Variants in PIWIL2 observed in about 807,000 individuals in gnomAD.
PIWIL2 encodes the protein piwi like RNA-mediated gene silencing 2, also known as piwi-like protein 2.
PIWIL2 carries 81 observed loss-of-function variants against 116.5 expected under a neutral mutation model. That is an observed-to-expected ratio of 0.70 (90% CI 0.58 to 0.84). The LOEUF (loss-of-function observed/expected upper bound fraction) is 0.84, where lower values mean the gene tolerates loss of function less well. PIWIL2 is among the 40% of genes least tolerant of loss of function. The pLI is 0.00. For synonymous variants in PIWIL2, 489 were observed against 429.5 expected, an observed-to-expected ratio of 1.14 and a Z score of -1.71; for missense variants, 1,272 against 1,212.3, an observed-to-expected ratio of 1.05 and a Z score of -0.73.
chr8:22,322,028 T>G (rs1420682078), intron 20 of PIWIL2: 2 of 976,646 alleles, frequency 2.0e-6, no homozygotes, highest in African/African-American at 3.5e-5. Context: ...TTGGTTTTTT[T>G]TTTTGTAAAT....
chr8:22,290,171 G>A, intron 9 of PIWIL2, 62 bp from the exon 10 acceptor site: 1 of 965,998 alleles, frequency 1.0e-6, no homozygotes, highest in Admixed American at 1.9e-5. Flanking sequence ...TTGTTCACAT[G>A]GGGGCATGGA....
chr8:22,284,085 T>C (rs1221151925), intron 5 of PIWIL2, 77 bp from the exon 6 acceptor site: 1 of 684,808 alleles, frequency 1.5e-6, no homozygotes, highest in Non-Finnish European at 2.5e-6. Context: ...CTTCTTGTTG[T>C]TGGTTGTGTG....
chr8:22,310,361 C>G (rs552758722), intron 15 of PIWIL2, among the ~76,000 whole-genome samples: 4 of 152,234 alleles, frequency 2.6e-5, no homozygotes, highest in Non-Finnish European at 4.4e-5. Context: ...TTTTCCCCCT[C>G]TTTTTCCCCG....
At chr8:22,299,142 T>C (rs1830983702) in intron 10 of PIWIL2, among the ~76,000 whole-genome samples, 1 of 152,218 alleles carries the variant, frequency 6.6e-6, no homozygotes, top group African/African-American at 2.4e-5. Flanking sequence ...GATATTAATC[T>C]TAAATTCATA....
intron 20 of PIWIL2, chr8:22,321,840 C>T (rs1831606520): frequency 1.0e-6 from 1 of 984,052 alleles, no homozygotes; most frequent in Non-Finnish European, 1.2e-6. Flanking sequence ...TAATATCTTC[C>T]CCTAGGAATG....
At chr8:22,328,048 C>A (rs889748915) in intron 20 of PIWIL2, among the ~76,000 whole-genome samples, 2 of 152,030 alleles carry the variant, frequency 1.3e-5, no homozygotes, top group African/African-American at 4.8e-5. Context: ...AAAAGCTTGT[C>A]CCCTGTTTTT....
At chr8:22,344,161 G>T (rs1357406076) in intron 20 of PIWIL2, among the ~76,000 whole-genome samples, 3 of 152,160 alleles carry the variant, frequency 2.0e-5, no homozygotes, top group Non-Finnish European at 4.4e-5. Context: ...ATGATAAATG[G>T]CATTCTAGAG....
At chr8:22,345,514 A>G (rs1445995034) in intron 20 of PIWIL2, among the ~76,000 whole-genome samples, 1 of 151,996 alleles carries the variant, frequency 6.6e-6, no homozygotes, top group Non-Finnish European at 1.5e-5. Flanking sequence ...TACAAAAACA[A>G]TTAGCTGGGC....
intron 14 of PIWIL2, among the ~76,000 whole-genome samples, chr8:22,308,704 A>G (rs1377732340): frequency 6.6e-6 from 1 of 152,136 alleles, no homozygotes; most frequent in African/African-American, 2.4e-5. Context: ...CATCCTTACA[A>G]CTGAATCTTT....
At chr8:22,349,610 T>C (rs1310084609) in intron 20 of PIWIL2, among the ~76,000 whole-genome samples, 3 of 152,072 alleles carry the variant, frequency 2.0e-5, no homozygotes, top group Non-Finnish European at 2.9e-5. Flanking sequence ...ACTGTCTGTT[T>C]CCTTGTCTGT....
intron 10 of PIWIL2, among the ~76,000 whole-genome samples, chr8:22,290,966 G>GTATATATATATATATATATATATATATA (rs1187699809): frequency 9.4e-5 from 14 of 148,534 alleles, no homozygotes; most frequent in Admixed American, 2.1e-4. Flanking sequence ...ATACAGATGT[G>GTATATATATATATATATATATATATATA]TATATATATT....
intron 2 of PIWIL2, 96 bp downstream of exon 2, chr8:22,279,680 C>T (rs892714665): frequency 7.2e-5 from 82 of 1,144,652 alleles, no homozygotes; most frequent in African/African-American, 2.6e-4. Flanking sequence ...GGGCTGGGCA[C>T]GGTGGCTCAC....
At position 22,355,339 on chromosome 8, in the gene PIWIL2, T is replaced by G; in HGVS notation, c.2766-10T>G. ...GATGATGAGAATTATATTTTCTTCT[T>G]GGCCTACAGGCTGACTTTCAAACTG... On this transcript the variant is annotated splice_polypyrimidine_tract_variant and intron_variant, in intron 22 of 22. Coordinates refer to ENST00000356766, the MANE Select transcript of PIWIL2 (RefSeq NM_018068.5). The G allele has an allele frequency of 6.2e-7, 1 of 1,613,900 alleles. No individual in the cohort carries two copies.
chr8:22,287,445 G>A lies in PIWIL2; in HGVS notation c.744-83G>A, dbSNP rs1256507807. The A allele has an allele frequency of 3.5e-6, 3 of 857,448 alleles. No homozygotes were observed. The East Asian group carries it at 7.3e-5, about 21-fold the overall frequency. 53.1% of individuals were successfully genotyped at this position (857,448 alleles called of 1,614,324 possible). ...CCGCTAGATGGAGCAGCAGTTACTG[G>A]GTAACTAGCACCTGTTGCACAGCTC... is the stretch of plus-strand genomic sequence containing the variant. On this transcript the variant is annotated intron_variant, in intron 6 of 22. Transcript: ENST00000356766.
chr8:22,284,547 A>G (rs890680844), intron 6 of PIWIL2, among the ~76,000 whole-genome samples: 1 of 152,188 alleles, frequency 6.6e-6, no homozygotes, highest in Admixed American at 6.5e-5. Flanking sequence ...GCTTAAGTTC[A>G]GGGCCTTTTA....
At chr8:22,333,126 A>G (rs1249727524) in intron 20 of PIWIL2, among the ~76,000 whole-genome samples, 1 of 152,156 alleles carries the variant, frequency 6.6e-6, no homozygotes, top group Non-Finnish European at 1.5e-5. Flanking sequence ...TATGCTATAG[A>G]TGTTGTACTC....
intron 20 of PIWIL2, among the ~76,000 whole-genome samples, chr8:22,351,008 G>A (rs1326613297): frequency 6.6e-6 from 1 of 151,976 alleles, no homozygotes; most frequent in East Asian, 1.9e-4. Flanking sequence ...AGGCATGGTG[G>A]TGCACACCTG....
rs535280621 is a variant in PIWIL2 at position 22,297,337 on chromosome 8, C to T, written c.1182-6684C>T. 5.5e-4 allele frequency among the ~76,000 whole-genome samples: 84 copies of T among 152,192 alleles called. No homozygotes were observed. The Middle Eastern group carries it at 0.01, about 18-fold the overall frequency. On this transcript the variant is annotated intron_variant, in intron 10 of 22. Coordinates refer to ENST00000356766, the MANE Select transcript of PIWIL2 (RefSeq NM_018068.5). ...TTGACTGTGTTGCCAAGGCTGACCT[C>T]GAAATCCTGGCCTTAAGTTATCCTC...
At chr8:22,276,748 T>A (rs887423512) in intron 1 of PIWIL2, among the ~76,000 whole-genome samples, 24 of 152,106 alleles carry the variant, frequency 1.6e-4, no homozygotes, top group African/African-American at 3.4e-4. Context: ...AAATTTTTTT[T>A]AAAAATTAGC....
Sources: gnomAD v4.1 joint callset for allele counts (sites outside exome capture counted in the v4.1 genomes callset) on GRCh38, gnomAD v4.1.1 for gene constraint, MANE v1.5 for transcripts, NCBI Gene and HGNC (gene_info 2026-07-23, HGNC 2026-07-21) for gene names.